Variants in BMPR1B observed in about 807,000 individuals in gnomAD.
The protein encoded by BMPR1B is bone morphogenetic protein receptor type-1B.
BMPR1B carries 12 observed loss-of-function variants against 59.1 expected under a neutral mutation model. The observed-to-expected ratio is 0.20, with a 90% CI of 0.13 to 0.33. The LOEUF (loss-of-function observed/expected upper bound fraction) is 0.33, where lower values mean the gene tolerates loss of function less well. Ranked by LOEUF, BMPR1B falls within the 10% of genes least tolerant of loss-of-function variation. The probability of loss-of-function intolerance (pLI) is 1.00; values close to 1 mark genes in which losing one functional copy is unlikely to be tolerated. For missense variants in BMPR1B, 550 were observed against 610.9 expected (o/e 0.90, Z 1.05); for synonymous variants, 237 against 207.3 (o/e 1.14, Z -1.23).
rs181516541 is a variant in BMPR1B, at chr4:94,913,651, G to C, written c.-113+37751G>C. On this transcript the variant is annotated intron_variant, in intron 2 of 12. Coordinates refer to ENST00000515059, the MANE Select transcript of BMPR1B (RefSeq NM_001203.3). Reference sequence around the variant, plus strand: ...TTATTCTTACTAATTAATTATCTCTGTGTGTGTGTGTGTGTAGCCTACAAT... The same window carrying C: ...TTATTCTTACTAATTAATTATCTCTCTGTGTGTGTGTGTGTAGCCTACAAT... 2.8e-3 allele frequency among the ~76,000 whole-genome samples: 425 copies of C among 150,336 alleles called. 9 individuals carry two copies. The East Asian group carries it at 0.056, about 20-fold the overall frequency.
At chr4:95,030,566 G>C (rs1432221766) in intron 3 of BMPR1B, among the ~76,000 whole-genome samples, 1 of 152,008 alleles carries the variant, frequency 6.6e-6, no homozygotes, top group Non-Finnish European at 1.5e-5. Flanking sequence ...ATTAGGAAAA[G>C]AGGAAGTCAA....
At chr4:94,809,785 C>T (rs1415265459) in intron 1 of BMPR1B, among the ~76,000 whole-genome samples, 1 of 152,208 alleles carries the variant, frequency 6.6e-6, no homozygotes, top group East Asian at 1.9e-4. Context: ...CCGTAGGGAA[C>T]AAATTTTTGC....
chr4:95,049,007 G>C (rs1044651394), intron 3 of BMPR1B, among the ~76,000 whole-genome samples: 3 of 152,136 alleles, frequency 2.0e-5, no homozygotes, highest in African/African-American at 7.2e-5. Flanking sequence ...ATAGGCATTA[G>C]CAAGAAGTTT....
chr4:94,966,154 A>G (rs558707978), intron 2 of BMPR1B, among the ~76,000 whole-genome samples: 8 of 152,160 alleles, frequency 5.3e-5, no homozygotes, highest in South Asian at 2.1e-4. Flanking sequence ...CAATAACACA[A>G]TTTTGTTGGA....
In BMPR1B at chr4:95,152,627, A is replaced by T; in HGVS notation, c.1253-16A>T. 1.3e-6 allele frequency: 2 copies of T among 1,518,194 alleles called. No homozygotes were observed. Among genetic ancestry groups the T allele is most frequent in the African/African-American group, 2.8e-5 (2 of 72,398 alleles). The allele number at this position is 1,518,194 out of a possible 1,614,324, so 94.0% of individuals were successfully genotyped here. A position where few individuals can be genotyped will look rare whatever the true frequency, so the allele number is the denominator to read the frequency against. ...AAATAATAATAATAATAATAATAGT[A>T]ACAACATATTTTTAGGTATAGTGGA... On this transcript the variant is annotated splice_polypyrimidine_tract_variant and intron_variant, in intron 11 of 12. Transcript: ENST00000515059.
At chr4:94,872,826 A>G (rs891589393) in intron 1 of BMPR1B, among the ~76,000 whole-genome samples, 10 of 152,394 alleles carry the variant, frequency 6.6e-5, no homozygotes, top group African/African-American at 2.4e-4. Context: ...TTCTGTGAGT[A>G]TAAAACTGAA....
chr4:94,967,119 A>G (rs921254312), intron 2 of BMPR1B, among the ~76,000 whole-genome samples: 5 of 152,232 alleles, frequency 3.3e-5, no homozygotes, highest in African/African-American at 7.2e-5. Context: ...TGTATATTCA[A>G]GTTTTCTAAG....
In BMPR1B at chr4:95,043,299, A is replaced by G. The variant is rs186492743; in HGVS notation, c.-18+47165A>G. Among the ~76,000 whole-genome samples the G allele has an allele frequency of 4.0e-3, 616 of 152,226 alleles. 4 individuals are homozygous for G. Among genetic ancestry groups the G allele is most frequent in the African/African-American group, 0.014 (595 of 41,550 alleles). ...TGGTCTTTTAGTAGCATACCGCTAA[A>G]ACCAAATAATAAACTAAAGATCCAT... On this transcript the variant is annotated intron_variant, in intron 3 of 12. Coordinates refer to ENST00000515059, the MANE Select transcript of BMPR1B (RefSeq NM_001203.3).
At chr4:95,040,124 T>C (rs1725548007) in intron 3 of BMPR1B, among the ~76,000 whole-genome samples, 1 of 152,158 alleles carries the variant, frequency 6.6e-6, no homozygotes, top group Non-Finnish European at 1.5e-5. Context: ...GTATGTGGTA[T>C]ACAAGAACAA....
intron 3 of BMPR1B, among the ~76,000 whole-genome samples, chr4:95,102,185 A>G (rs1321302667): frequency 2.6e-5 from 4 of 152,226 alleles, no homozygotes; most frequent in Non-Finnish European, 5.9e-5. Context: ...CCACTCTTTA[A>G]ATAAATTCAC....
At chr4:94,791,671 G>A (rs1004277704) in intron 1 of BMPR1B, among the ~76,000 whole-genome samples, 2 of 152,016 alleles carry the variant, frequency 1.3e-5, no homozygotes, top group African/African-American at 2.4e-5. Context: ...CTTAGTGGCC[G>A]CTGGTTTAAT....
intron 12 of BMPR1B, among the ~76,000 whole-genome samples, chr4:95,153,646 C>T (rs28631905): frequency 0.02 from 3,005 of 152,082 alleles, 104 homozygotes; most frequent in African/African-American, 0.069. Flanking sequence ...TCCAGAAGTT[C>T]GAGACCAGCC....
intron 2 of BMPR1B, among the ~76,000 whole-genome samples, chr4:94,949,748 C>T (rs901219030): frequency 2.0e-5 from 3 of 152,158 alleles, no homozygotes; most frequent in African/African-American, 7.2e-5. Flanking sequence ...CCACAATAAA[C>T]ATACGTGTGC....
At chr4:94,910,079 A>T (rs1196344516) in intron 2 of BMPR1B, among the ~76,000 whole-genome samples, 1 of 152,214 alleles carries the variant, frequency 6.6e-6, no homozygotes, top group Middle Eastern at 3.4e-3. Context: ...TTTAAAAGAC[A>T]TTCTAGATAC....
chr4:95,115,896 G>GA, intron 6 of BMPR1B, 109 bp downstream of exon 6: 1 of 1,012,648 alleles, frequency 9.9e-7, no homozygotes. Context: ...TCCACTGCTG[G>GA]AGCAGAGCAC....
At chr4:95,083,495 T>C (rs1729335355) in intron 3 of BMPR1B, among the ~76,000 whole-genome samples, 1 of 151,660 alleles carries the variant, frequency 6.6e-6, no homozygotes, top group South Asian at 2.1e-4. Flanking sequence ...TTAAAAAGGG[T>C]GTGTGTGTGT....
chr4:94,965,259 A>G (rs532598432), intron 2 of BMPR1B, among the ~76,000 whole-genome samples: 8 of 152,266 alleles, frequency 5.3e-5, no homozygotes, highest in Admixed American at 3.3e-4. Context: ...TGTACATAGT[A>G]TCTTTTGTTG....
chr4:94,776,880 C>G (rs1274422393), intron 1 of BMPR1B, among the ~76,000 whole-genome samples: 1 of 152,066 alleles, frequency 6.6e-6, no homozygotes, highest in Non-Finnish European at 1.5e-5. Context: ...TATTTGTTAC[C>G]ATTTTGATAT....
intron 3 of BMPR1B, among the ~76,000 whole-genome samples, chr4:95,032,046 G>A (rs1487797625): frequency 6.6e-6 from 1 of 152,150 alleles, no homozygotes; most frequent in Non-Finnish European, 1.5e-5. Flanking sequence ...TTCATTTGGA[G>A]AAGCTAAAAC....
Sources: gnomAD v4.1 joint callset for allele counts (sites outside exome capture counted in the v4.1 genomes callset) on GRCh38, gnomAD v4.1.1 for gene constraint, MANE v1.5 for transcripts, NCBI Gene and HGNC (gene_info 2026-07-23, HGNC 2026-07-21) for gene names.